Variants in PPP2R2C observed in about 807,000 individuals in gnomAD.
PPP2R2C encodes the protein protein phosphatase 2, regulatory subunit B, gamma.
PPP2R2C carries 10 observed loss-of-function variants against 45.3 expected under a neutral mutation model. That is an observed-to-expected ratio of 0.22 (90% CI 0.14 to 0.37). PPP2R2C has a LOEUF of 0.37. Ranked by LOEUF, PPP2R2C falls within the 10% of genes least tolerant of loss-of-function variation. The pLI is 1.00. For synonymous variants in PPP2R2C, 257 were observed against 245.4 expected (o/e 1.05, Z -0.44); for missense variants, 308 against 619.7 (o/e 0.50, Z 5.34).
At chr4:6,527,514 T>C (rs987150367) in intron 2 of PPP2R2C, among the ~76,000 whole-genome samples, 2 of 94,520 alleles carry the variant, frequency 2.1e-5, no homozygotes, top group African/African-American at 9.4e-5. Context: ...ACATGTGCCA[T>C]GAGAATACCA....
chr4:6,453,999 C>G (rs1720880820), intron 1 of PPP2R2C, among the ~76,000 whole-genome samples: 1 of 152,242 alleles, frequency 6.6e-6, no homozygotes, highest in Non-Finnish European at 1.5e-5. Context: ...AAAGCTTTCA[C>G]TCACCTCCTT....
chr4:6,352,367 C>A (rs1050285891), intron 5 of PPP2R2C, among the ~76,000 whole-genome samples: 1 of 152,192 alleles, frequency 6.6e-6, no homozygotes, highest in Non-Finnish European at 1.5e-5. Context: ...GTGGCCCCAC[C>A]CCAGCTTCAT....
intron 2 of PPP2R2C, among the ~76,000 whole-genome samples, chr4:6,494,434 C>T (rs1219202602): frequency 2.0e-5 from 3 of 152,216 alleles, no homozygotes; most frequent in African/African-American, 7.2e-5. Flanking sequence ...CAGCACCTCC[C>T]GCATGCCAGG....
At chr4:6,399,588 C>G (rs1425313703) in intron 1 of PPP2R2C, among the ~76,000 whole-genome samples, 3 of 152,220 alleles carry the variant, frequency 2.0e-5, no homozygotes, top group Admixed American at 2.0e-4. Flanking sequence ...ACATTCACCT[C>G]ACTCTCCCAG....
intron 2 of PPP2R2C, among the ~76,000 whole-genome samples, chr4:6,496,782 G>T (rs1297576690): frequency 6.6e-6 from 1 of 152,092 alleles, no homozygotes; most frequent in South Asian, 2.1e-4. Flanking sequence ...AATCACTTGA[G>T]CCCGGAAGGT....
At chr4:6,385,471 T>C (rs1182316539) in intron 1 of PPP2R2C, among the ~76,000 whole-genome samples, 1 of 152,192 alleles carries the variant, frequency 6.6e-6, no homozygotes, top group Non-Finnish European at 1.5e-5. Context: ...ATCTGACATT[T>C]CCAGCTCCAA....
At chr4:6,533,901 A>T (rs539838813) in intron 2 of PPP2R2C, among the ~76,000 whole-genome samples, 2 of 152,176 alleles carry the variant, frequency 1.3e-5, no homozygotes, top group East Asian at 3.9e-4. Flanking sequence ...AACATACAAC[A>T]AAACATACAC....
chr4:6,392,876 G>A (rs1028128713), intron 1 of PPP2R2C, among the ~76,000 whole-genome samples: 4 of 152,182 alleles, frequency 2.6e-5, no homozygotes, highest in Non-Finnish European at 4.4e-5. Context: ...GGTTTGTTAA[G>A]TAAGTGCCAG....
chr4:6,562,548 C>T (rs923060310), intron 1 of PPP2R2C, among the ~76,000 whole-genome samples: 3 of 152,076 alleles, frequency 2.0e-5, no homozygotes, highest in South Asian at 2.1e-4. Flanking sequence ...CACCCTACCC[C>T]GGTCCACCAG....
chr4:6,472,135 G>A (rs917845880), intron 1 of PPP2R2C, 25 bp downstream of exon 1: 2 of 1,613,154 alleles, frequency 1.2e-6, no homozygotes, highest in African/African-American at 2.7e-5. Context: ...CCGGCCGGAG[G>A]GGTCTCAGAC....
intron 1 of PPP2R2C, among the ~76,000 whole-genome samples, chr4:6,548,841 G>A (rs568796795): frequency 9.7e-4 from 148 of 152,166 alleles, no homozygotes; most frequent in Admixed American, 4.3e-3. Flanking sequence ...CTGCCCTGAG[G>A]CTGGACAGCA....
Position 6,328,683 on chromosome 4 carries a change from C to T in PPP2R2C, c.1052+579G>A, listed in dbSNP as rs560595199. Among the ~76,000 whole-genome samples, 6 of 152,280 alleles carry T rather than the reference C, an allele frequency of 3.9e-5. No individual in the cohort carries two copies. Among genetic ancestry groups the T allele is most frequent in the Admixed American group, 6.5e-5 (1 of 15,306 alleles). ...CAGGAACTCACTTCTGGCACTGGGGCGCCACTTTCCAGGCAGGTGGGGTTG... is the reference window on the plus strand; with the variant it reads ...CAGGAACTCACTTCTGGCACTGGGGTGCCACTTTCCAGGCAGGTGGGGTTG... On this transcript the variant is annotated intron_variant, in intron 8 of 8. Coordinates refer to ENST00000382599, the MANE Select transcript of PPP2R2C (RefSeq NM_020416.4). The surrounding 1 kb of genome is among the most constrained non-coding windows in gnomAD (Gnocchi z 4.4).
intron 1 of PPP2R2C, among the ~76,000 whole-genome samples, chr4:6,403,150 C>T (rs1717541973): frequency 6.6e-6 from 1 of 152,196 alleles, no homozygotes; most frequent in Non-Finnish European, 1.5e-5. Context: ...GGGTGCCTCC[C>T]CACGTGGGTG....
At chr4:6,535,260 G>T in intron 2 of PPP2R2C, 2 of 1,535,300 alleles carry the variant, frequency 1.3e-6, no homozygotes, top group Non-Finnish European at 8.7e-7. Flanking sequence ...CTGTGAGAAC[G>T]GGCTTCTTAC....
At chr4:6,500,662 G>A (rs77994110) in intron 2 of PPP2R2C, among the ~76,000 whole-genome samples, 4 of 152,220 alleles carry the variant, frequency 2.6e-5, no homozygotes, top group African/African-American at 9.6e-5. Context: ...AGGAAGGAAA[G>A]AGGGGGGTTC....
At chr4:6,473,095 T>C (rs1722002464), upstream of PPP2R2C, among the ~76,000 whole-genome samples, 1 of 151,772 alleles carries the variant, frequency 6.6e-6, no homozygotes, top group Non-Finnish European at 1.5e-5. Context: ...TAAGTACATG[T>C]GAAGAAGCTG....
chr4:6,466,042 T>A (rs1721575048), intron 1 of PPP2R2C, among the ~76,000 whole-genome samples: 1 of 152,218 alleles, frequency 6.6e-6, no homozygotes, highest in Non-Finnish European at 1.5e-5. Flanking sequence ...TCCTGCGTCA[T>A]TCATGTTTCT....
At chr4:6,389,824 T>C (rs1449779156) in intron 1 of PPP2R2C, among the ~76,000 whole-genome samples, 1 of 152,148 alleles carries the variant, frequency 6.6e-6, no homozygotes, top group Non-Finnish European at 1.5e-5. Context: ...AGAAGACAAC[T>C]TGCCAACAGC....
At chr4:6,543,774 C>G (rs1021699502) in intron 1 of PPP2R2C, among the ~76,000 whole-genome samples, 4 of 152,226 alleles carry the variant, frequency 2.6e-5, no homozygotes, top group African/African-American at 9.6e-5. Context: ...CCTCACATCC[C>G]AGGCCTGGAC....
Sources: gnomAD v4.1 joint callset for allele counts (sites outside exome capture counted in the v4.1 genomes callset) on GRCh38, gnomAD v4.1.1 for gene constraint, Gnocchi (gnomAD v3.1) non-coding constraint, MANE v1.5 for transcripts, NCBI Gene and HGNC (gene_info 2026-07-23, HGNC 2026-07-21) for gene names.